The following ALDH1A3 variants were observed in gnomAD, a reference collection of about 807,000 sequenced individuals.
ALDH1A3 encodes aldehyde dehydrogenase 1 family member A3, also known as retinaldehyde dehydrogenase 3.
A neutral mutation model predicts 57.5 loss-of-function variants in ALDH1A3; 28 were observed. The ratio of observed to expected loss-of-function variants is 0.49; its 90% CI spans 0.36 to 0.67. The LOEUF (loss-of-function observed/expected upper bound fraction) is 0.67. ALDH1A3 is among the 30% of genes least tolerant of loss of function. The probability of loss-of-function intolerance (pLI) is 0.00; values close to 1 mark genes in which losing one functional copy is unlikely to be tolerated. For missense variants in ALDH1A3, 507 were observed against 669.4 expected, an observed-to-expected ratio of 0.76 and a Z score of 2.68; for synonymous variants, 281 against 264.8, an observed-to-expected ratio of 1.06 and a Z score of -0.59.
chr15:100,901,429 T>G (rs1280404708), intron 9 of ALDH1A3, among the ~76,000 whole-genome samples: 1 of 152,198 alleles, frequency 6.6e-6, no homozygotes, highest in Non-Finnish European at 1.5e-5. Flanking sequence ...CTCACTTTGC[T>G]TTTAGCCAAA....
intron 9 of ALDH1A3, among the ~76,000 whole-genome samples, chr15:100,904,840 G>A (rs1203646843): frequency 2.0e-5 from 3 of 152,158 alleles, no homozygotes; most frequent in Middle Eastern, 3.2e-3. Context: ...ACCAACCAAG[G>A]AGCAGCCCTG....
chr15:100,906,432 G>A lies in ALDH1A3; in HGVS notation c.1234-689G>A, dbSNP rs536617086. Among the ~76,000 whole-genome samples, 2 of 152,312 alleles carry A rather than the reference G, an allele frequency of 1.3e-5. No homozygotes were observed. Among genetic ancestry groups the A allele is most frequent in the South Asian group, 2.1e-4 (1 of 4,828 alleles). ...GTCTTCCTTGAGATTGTTATGTGCC[G>A]TGATGGCATGAAGCTCAGCTCCTTA... On this transcript the variant is annotated intron_variant, in intron 10 of 12. Coordinates refer to ENST00000329841, the MANE Select transcript of ALDH1A3 (RefSeq NM_000693.4). This position sits in a 1 kb window ranked among gnomAD's most constrained non-coding sequence, Gnocchi z 4.8.
chr15:100,882,148 C>T (rs768744492), intron 1 of ALDH1A3, among the ~76,000 whole-genome samples: 33 of 152,218 alleles, frequency 2.2e-4, no homozygotes, highest in Non-Finnish European at 3.8e-4. Context: ...TGGTGCTTCT[C>T]GATAATGGGG....
chr15:100,912,118 G>A (rs550040454), intron 12 of ALDH1A3, among the ~76,000 whole-genome samples: 141 of 152,320 alleles, frequency 9.3e-4, no homozygotes, highest in African/African-American at 3.2e-3. Flanking sequence ...AGGAACTTTT[G>A]TGTATTTCCA....
In ALDH1A3 at chr15:100,889,539, A is replaced by G. The variant is rs1032159410; in HGVS notation, c.345+1827A>G. On this transcript the variant is annotated intron_variant, in intron 3 of 12. Transcript: ENST00000329841. The surrounding 1 kb of genome is among the most constrained non-coding windows in gnomAD (Gnocchi z 5.1). ...CTCAAGCTGCCAAACTGGCTTTTTC[A>G]AAAACATTTCTGTTTTCACCCGGCA... Among the ~76,000 whole-genome samples the G allele has an allele frequency of 2.0e-5, 3 of 152,174 alleles. No individual in the cohort carries two copies. Among genetic ancestry groups the G allele is most frequent in the Non-Finnish European group, 2.9e-5 (2 of 68,020 alleles).
At chr15:100,882,979 G>C (rs547382629) in intron 1 of ALDH1A3, among the ~76,000 whole-genome samples, 4 of 152,324 alleles carry the variant, frequency 2.6e-5, no homozygotes, top group Admixed American at 2.0e-4. Context: ...AATATGGTTA[G>C]AGTCAAACAG....
chr15:100,910,674 GC>G (rs2041874639), intron 12 of ALDH1A3, among the ~76,000 whole-genome samples: 1 of 152,208 alleles, frequency 6.6e-6, no homozygotes, highest in Non-Finnish European at 1.5e-5. Flanking sequence ...ACCCTTGTCC[GC>G]CACCTGTTCA....
Position 100,887,637 on chromosome 15 carries a change from G to C in ALDH1A3, c.270G>C (p.Arg90=). 1 of 1,612,134 alleles carries C rather than the reference G, an allele frequency of 6.2e-7. No homozygotes were observed. The highest frequency in any genetic ancestry group is 8.5e-7 in the Non-Finnish European group (1 of 1,179,156). Residue 90 remains arginine, a synonymous_variant, in exon 3 of 13, where the codon CGG becomes CGC. Coordinates refer to ENST00000329841, the MANE Select transcript of ALDH1A3 (RefSeq NM_000693.4). This position sits in a 1 kb window ranked among gnomAD's most constrained non-coding sequence, Gnocchi z 4.6. ...VAFQRGSPWR[R]LDALSRGRLL... is the part of the protein sequence containing the mutation. ...TCCAGAGGGGCTCGCCATGGCGCCG[G>C]CTGGATGCCCTGAGTCGTGGGCGGC... is the stretch of plus-strand genomic sequence containing the variant.
chr15:100,912,411 C>A (rs1488322734), intron 12 of ALDH1A3, among the ~76,000 whole-genome samples: 1 of 152,074 alleles, frequency 6.6e-6, no homozygotes, highest in Non-Finnish European at 1.5e-5. Context: ...TGTTGGTTTG[C>A]AAGAGCTCTT....
chr15:100,915,007 G>T lies in ALDH1A3; in HGVS notation c.*234G>T. 1.9e-6 allele frequency: 1 copy of T among 533,226 alleles called. No individual in the cohort carries two copies. The highest frequency in any genetic ancestry group is 3.4e-6 in the Non-Finnish European group (1 of 295,966). 33.0% of individuals were successfully genotyped at this position (533,226 alleles called of 1,614,324 possible). ...AGTCCTGCCTGGGGAGGGAGCTGTT[G>T]GCCATTTCTGTGTTTCCCTTTAAAC... On this transcript the variant is annotated 3_prime_UTR_variant, in exon 13 of 13. Transcript: ENST00000329841.
chr15:100,898,342 C>T lies in ALDH1A3; in HGVS notation c.883+157C>T, dbSNP rs139886695. The stretch of plus-strand genomic sequence containing the variant: ...GGCATCCTGCCCACAGTCAGCCAGC[C>T]GCAGACAGGCAGGTGGACATCAAAA... On this transcript the variant is annotated intron_variant, in intron 8 of 12. Coordinates refer to ENST00000329841, the MANE Select transcript of ALDH1A3 (RefSeq NM_000693.4). Among the ~76,000 whole-genome samples the T allele has an allele frequency of 3.6e-3, 542 of 152,332 alleles. 1 individual carries two copies. The highest frequency in any genetic ancestry group is 6.8e-3 in the Middle Eastern group (2 of 294).
In ALDH1A3 at chr15:100,887,641, G is replaced by T; in HGVS notation, c.274G>T (p.Asp92Tyr). ...GAGGGGCTCGCCATGGCGCCGGCTG[G>T]ATGCCCTGAGTCGTGGGCGGCTGCT... ...FQRGSPWRRL[D>Y]ALSRGRLLHQ... Residue 92 changes from aspartate (D) to tyrosine (Y), a missense_variant, in exon 3 of 13, where the codon GAT becomes TAT. By Grantham distance (160) the Asp-to-Tyr change is radical. Coordinates refer to ENST00000329841, the MANE Select transcript of ALDH1A3 (RefSeq NM_000693.4). This position sits in a 1 kb window ranked among gnomAD's most constrained non-coding sequence, Gnocchi z 4.6. 6.2e-7 allele frequency: 1 copy of T among 1,612,168 alleles called. No homozygotes were observed. The highest frequency in any genetic ancestry group is 2.2e-5 in the East Asian group (1 of 44,742).
rs2041831690 is a variant in ALDH1A3, at chr15:100,907,288, C to CTG, written c.1391+18_1391+19dup. 1 of 1,611,746 alleles carries CTG rather than the reference C, an allele frequency of 6.2e-7. No individual in the cohort carries two copies. The highest frequency in any genetic ancestry group is 8.5e-7 in the Non-Finnish European group (1 of 1,179,196). On this transcript the variant is annotated intron_variant, in intron 11 of 12. Coordinates refer to ENST00000329841, the MANE Select transcript of ALDH1A3 (RefSeq NM_000693.4). Reference sequence around the variant, plus strand: ...AGTCTGGAACGGTCTGGTGAGTTGACTGTGTGTGTATTTCAGCTCTCCTGA... The same window carrying CTG: ...AGTCTGGAACGGTCTGGTGAGTTGACTGTGTGTGTGTATTTCAGCTCTCCTGA...
rs754502108 is a variant in ALDH1A3 at position 100,907,237 on chromosome 15, A to G, written c.1350A>G (p.Lys450=). The change falls in exon 11 of 13, where the codon AAA becomes AAG. Residue 450 remains lysine, a synonymous_variant. Transcript: ENST00000329841. ...TAAVFTKNLD[K]ALKLASALES... is the part of the protein sequence containing the mutation. ...CCGTGTTCACAAAAAATCTCGACAA[A>G]GCCCTGAAGTTGGCTTCTGCCTTAG... The G allele has an allele frequency of 3.1e-6, 5 of 1,614,208 alleles. No individual in the cohort carries two copies. In the Admixed American group the frequency reaches 8.3e-5, roughly 27 times the overall value.
intron 3 of ALDH1A3, among the ~76,000 whole-genome samples, chr15:100,890,023 A>T (rs1045687350): frequency 2.0e-5 from 3 of 152,166 alleles, no homozygotes; most frequent in African/African-American, 7.2e-5. Flanking sequence ...CAGTGTCTGG[A>T]AACAGATGTG....
rs2041912172 is a variant in ALDH1A3 at position 100,914,589 on chromosome 15, C to T, written c.1467-112C>T. ...TTCCATGAGGTCGTCACATTTTAAC[C>T]TTTTGCATAAGCCTCCAACGGCCTG... On this transcript the variant is annotated intron_variant, in intron 12 of 12. Transcript: ENST00000329841. 13 of 976,420 alleles carry T rather than the reference C, an allele frequency of 1.3e-5. No homozygotes were observed. The South Asian group carries it at 2.1e-4, about 16-fold the overall frequency. 60.5% of individuals were successfully genotyped at this position (976,420 alleles called of 1,614,324 possible). A position where few individuals can be genotyped will look rare whatever the true frequency, so the allele number is the denominator to read the frequency against.
intron 8 of ALDH1A3, among the ~76,000 whole-genome samples, chr15:100,899,056 C>G (rs1459127909): frequency 1.3e-5 from 2 of 152,166 alleles, no homozygotes; most frequent in African/African-American, 4.8e-5. Context: ...GAAAAATGAC[C>G]CTGGCACAAT....
chr15:100,893,141 A>C lies in ALDH1A3; in HGVS notation c.537+135A>C. On this transcript the variant is annotated intron_variant, in intron 5 of 12. Coordinates refer to ENST00000329841, the MANE Select transcript of ALDH1A3 (RefSeq NM_000693.4). The surrounding 1 kb of genome is among the most constrained non-coding windows in gnomAD (Gnocchi z 4.8). ...ACAAGCATTTTCTTCGTGGCATGGA[A>C]CTCCATGCTTGGGGGCTCTTGAGAT... is the stretch of plus-strand genomic sequence containing the variant. The C allele has an allele frequency of 1.3e-6, 1 of 741,280 alleles. No homozygotes were observed. Among genetic ancestry groups the C allele is most frequent in the East Asian group, 2.7e-5 (1 of 37,072 alleles). 45.9% of individuals were successfully genotyped at this position (741,280 alleles called of 1,614,324 possible).
chr15:100,885,819 A>G (rs770300065), intron 2 of ALDH1A3, among the ~76,000 whole-genome samples: 1 of 152,190 alleles, frequency 6.6e-6, no homozygotes, highest in Non-Finnish European at 1.5e-5. Context: ...TACCCGGGTG[A>G]TGCGGGGATA....
Sources: allele counts gnomAD v4.1 joint callset (sites outside exome capture counted in the v4.1 genomes callset), GRCh38; gene constraint gnomAD v4.1.1; non-coding constraint Gnocchi (gnomAD v3.1); transcripts MANE v1.5; gene names NCBI Gene and HGNC (gene_info 2026-07-23, HGNC 2026-07-21).